The following DMD variants were observed in gnomAD, a reference collection of about 807,000 sequenced individuals.
DMD encodes the protein mutant dystrophin.
DMD carries 63 observed loss-of-function variants against 330.1 expected under a neutral mutation model. That is an observed-to-expected ratio of 0.19 (90% CI 0.16 to 0.24). DMD has a LOEUF of 0.24. Ranked by LOEUF, DMD falls within the 10% of genes least tolerant of loss-of-function variation. The pLI, the probability that DMD is intolerant of heterozygous loss-of-function variation, is 1.00. For missense variants in DMD, 3,344 were observed against 2,684.1 expected (o/e 1.25, Z -5.43); for synonymous variants, 1,223 against 959.8 (o/e 1.27, Z -5.07).
chrX:32,769,644 AG>A (rs760486137), intron 7 of DMD, among the ~76,000 whole-genome samples: 1 of 112,095 alleles, frequency 8.9e-6, no homozygotes, highest in African/African-American at 3.2e-5. Context: ...AAGAATTAAT[AG>A]AATTCAGTTG....
intron 29 of DMD, among the ~76,000 whole-genome samples, chrX:32,415,241 T>C (rs12008546): frequency 0.13 from 14,086 of 111,792 alleles, 2,084 homozygotes; most frequent in African/African-American, 0.42. Context: ...AAATTCTTTT[T>C]AGAAACCTAA....
chrX:32,149,043 T>C (rs2096792083), intron 44 of DMD, among the ~76,000 whole-genome samples: 1 of 112,054 alleles, frequency 8.9e-6, no homozygotes, highest in Non-Finnish European at 1.9e-5. Context: ...AAAGGAGTCC[T>C]TAATTTTTTC....
chrX:32,474,231 A>G (rs1388908201), intron 21 of DMD, among the ~76,000 whole-genome samples: 1 of 109,991 alleles, frequency 9.1e-6, no homozygotes, highest in Non-Finnish European at 1.9e-5. Flanking sequence ...ACACACACAC[A>G]CACACTCACC....
At chrX:32,402,407 G>C (rs1363433760) in intron 30 of DMD, among the ~76,000 whole-genome samples, 1 of 111,221 alleles carries the variant, frequency 9.0e-6, no homozygotes. Context: ...GAAATTTATA[G>C]AGTCATGTAT....
At chrX:33,196,362 G>A (rs1485377845) in intron 1 of DMD, among the ~76,000 whole-genome samples, 2 of 111,390 alleles carry the variant, frequency 1.8e-5, no homozygotes, top group Non-Finnish European at 3.8e-5. Flanking sequence ...TTGTACGTTA[G>A]GACCTTGGAT....
chrX:32,213,656 A>G (rs190751610), intron 44 of DMD, among the ~76,000 whole-genome samples: 5 of 112,270 alleles, frequency 4.5e-5, no homozygotes, highest in African/African-American at 1.6e-4. Flanking sequence ...GAGAAAAAAT[A>G]GACTAAATAA....
At chrX:33,183,662 GTCACCT>G (rs1275362978) in intron 1 of DMD, among the ~76,000 whole-genome samples, 1 of 111,332 alleles carries the variant, frequency 9.0e-6, no homozygotes, top group Admixed American at 9.6e-5. Flanking sequence ...TGGTCACCAA[GTCACCT>G]GTGGCTTTCA....
intron 2 of DMD, among the ~76,000 whole-genome samples, chrX:32,857,633 G>A (rs906582191): frequency 8.9e-6 from 1 of 111,748 alleles, no homozygotes; most frequent in Non-Finnish European, 1.9e-5. Flanking sequence ...AAAAATCCAG[G>A]GTAGAAAGTT....
intron 76 of DMD, among the ~76,000 whole-genome samples, chrX:31,142,061 A>C (rs1373236485): frequency 1.8e-5 from 2 of 111,952 alleles, no homozygotes; most frequent in Non-Finnish European, 3.8e-5. Context: ...GAAAGATTTA[A>C]AGAGGCTGGG....
chrX:31,543,833 T>C (rs1444973700), intron 55 of DMD, among the ~76,000 whole-genome samples: 1 of 111,282 alleles, frequency 9.0e-6, no homozygotes, highest in African/African-American at 3.3e-5. Context: ...GATAAGTATG[T>C]TCTTGGTGAA....
intron 1 of DMD, among the ~76,000 whole-genome samples, chrX:33,269,640 C>T (rs1445500539): frequency 8.9e-6 from 1 of 111,751 alleles, no homozygotes. Context: ...TATTCGCTCA[C>T]TACAATTATT....
At chrX:31,799,823 C>T (rs775368019) in intron 50 of DMD, among the ~76,000 whole-genome samples, 38 of 112,239 alleles carry the variant, frequency 3.4e-4, no homozygotes, top group African/African-American at 1.2e-3. Context: ...ACACCTGTTC[C>T]GAATGGGAGA....
At chrX:31,373,483 T>C (rs1484835016) in intron 60 of DMD, among the ~76,000 whole-genome samples, 1 of 102,453 alleles carries the variant, frequency 9.8e-6, no homozygotes. Context: ...CATAGATCAA[T>C]GGAACAGAAC....
At chrX:31,141,226 A>T (rs2036003198) in intron 76 of DMD, among the ~76,000 whole-genome samples, 1 of 111,836 alleles carries the variant, frequency 8.9e-6, no homozygotes. Flanking sequence ...CAACAACAAC[A>T]ACAACAACAA....
At chrX:31,171,706 A>G (rs2040014786) in intron 73 of DMD, among the ~76,000 whole-genome samples, 1 of 111,369 alleles carries the variant, frequency 9.0e-6, no homozygotes, top group Non-Finnish European at 1.9e-5. Context: ...TCCCTGCCAT[A>G]GCTGTGTTCC....
intron 1 of DMD, among the ~76,000 whole-genome samples, chrX:33,318,409 GT>G (rs1023427922): frequency 9.3e-6 from 1 of 107,051 alleles, no homozygotes; most frequent in African/African-American, 3.4e-5. Context: ...AGTTTTAAAA[GT>G]TTTTTTAAAA....
intron 53 of DMD, among the ~76,000 whole-genome samples, chrX:31,661,370 T>C (rs773478329): frequency 3.7e-4 from 41 of 110,568 alleles, no homozygotes; most frequent in Non-Finnish European, 6.2e-4. Flanking sequence ...TTTTTTTTTT[T>C]TCTCCCTTCT....
At chrX:31,671,810 A>G (rs1409375812) in intron 53 of DMD, among the ~76,000 whole-genome samples, 5 of 111,579 alleles carry the variant, frequency 4.5e-5, no homozygotes, top group Admixed American at 1.9e-4. Flanking sequence ...CAATCAGCTA[A>G]AACTTTGTCA....
intron 55 of DMD, among the ~76,000 whole-genome samples, chrX:31,515,766 C>T (rs1223697914): frequency 3.6e-5 from 4 of 111,719 alleles, no homozygotes; most frequent in African/African-American, 1.3e-4. Context: ...GAAGGCATCA[C>T]CTCGTTTTAT....
Sources: gnomAD v4.1 joint callset for allele counts (sites outside exome capture counted in the v4.1 genomes callset) on GRCh38, gnomAD v4.1.1 for gene constraint, MANE v1.5 for transcripts, NCBI Gene and HGNC (gene_info 2026-07-23, HGNC 2026-07-21) for gene names.